RAD54B: variants seen among roughly 807,000 people sequenced by gnomAD.
RAD54B encodes the protein DNA repair and recombination protein RAD54B.
Under a neutral mutation model 95.8 loss-of-function variants are expected in RAD54B, and 78 were observed. The ratio of observed to expected loss-of-function variants is 0.81; its 90% CI spans 0.68 to 0.98. The LOEUF is 0.98. RAD54B is among the 50% of genes least tolerant of loss of function. RAD54B has a pLI of 0.00. For missense variants in RAD54B, 957 were observed against 1,056.6 expected (o/e 0.91, Z 1.31); for synonymous variants, 328 against 354.9 (o/e 0.92, Z 0.85).
At chr8:94,420,124 A>G (rs1454774683) in intron 3 of RAD54B, among the ~76,000 whole-genome samples, 1 of 152,136 alleles carries the variant, frequency 6.6e-6, no homozygotes, top group African/African-American at 2.4e-5. Context: ...ACATTCCACA[A>G]TGTTCACACA....
intron 3 of RAD54B, chr8:94,428,413 A>G: frequency 1.5e-6 from 1 of 665,044 alleles, no homozygotes; most frequent in Middle Eastern, 7.6e-4. Flanking sequence ...CCCCATCAAG[A>G]TCCACAGATA....
intron 3 of RAD54B, among the ~76,000 whole-genome samples, chr8:94,457,945 T>A (rs1414650162): frequency 1.3e-5 from 2 of 152,198 alleles, no homozygotes; most frequent in African/African-American, 4.8e-5. Context: ...CCAATTTTAG[T>A]CCTATTAACA....
intron 3 of RAD54B, among the ~76,000 whole-genome samples, chr8:94,441,114 C>T (rs1812387445): frequency 1.3e-5 from 2 of 152,174 alleles, no homozygotes; most frequent in South Asian, 2.1e-4. Context: ...GCCCCTGTCA[C>T]GTACTCCCTG....
intron 3 of RAD54B, among the ~76,000 whole-genome samples, chr8:94,426,110 G>A (rs984822775): frequency 2.0e-4 from 30 of 151,930 alleles, no homozygotes; most frequent in African/African-American, 4.1e-4. Flanking sequence ...CTGCCACCAC[G>A]CCCAGCTGAT....
intron 11 of RAD54B, among the ~76,000 whole-genome samples, chr8:94,382,843 T>C (rs569476995): frequency 7.9e-5 from 12 of 152,342 alleles, no homozygotes; most frequent in Non-Finnish European, 1.0e-4. Flanking sequence ...AGGTCTTTGC[T>C]TCCCCTTTGC....
intron 3 of RAD54B, among the ~76,000 whole-genome samples, chr8:94,457,323 G>C (rs887575980): frequency 6.6e-6 from 1 of 152,128 alleles, no homozygotes; most frequent in African/African-American, 2.4e-5. Flanking sequence ...TGTTCCTAGG[G>C]ATCTTCCTAT....
At chr8:94,443,930 C>T (rs1304889650) in intron 3 of RAD54B, among the ~76,000 whole-genome samples, 4 of 151,596 alleles carry the variant, frequency 2.6e-5, no homozygotes, top group Non-Finnish European at 5.9e-5. Context: ...ATATGTACAA[C>T]TATTATGTAT....
At chr8:94,390,211 T>C (rs1810983344) in intron 10 of RAD54B, among the ~76,000 whole-genome samples, 4 of 150,942 alleles carry the variant, frequency 2.7e-5, no homozygotes, top group Non-Finnish European at 4.4e-5. Flanking sequence ...AAAAAATAAA[T>C]AAAAAGGGCC....
intron 8 of RAD54B, among the ~76,000 whole-genome samples, 182 bp downstream of exon 8, chr8:94,399,232 G>A (rs1312329997): frequency 6.6e-6 from 1 of 152,052 alleles, no homozygotes; most frequent in Non-Finnish European, 1.5e-5. Flanking sequence ...CAAAGTCTGG[G>A]CTACAGAAAA....
intron 3 of RAD54B, among the ~76,000 whole-genome samples, chr8:94,446,293 G>A (rs1812517599): frequency 6.6e-6 from 1 of 152,160 alleles, no homozygotes; most frequent in Admixed American, 6.5e-5. Flanking sequence ...TAGTCCAAAA[G>A]AGTCAAGATA....
At chr8:94,431,368 A>G in intron 3 of RAD54B, 3 of 984,664 alleles carry the variant, frequency 3.0e-6, no homozygotes, top group Non-Finnish European at 3.6e-6. Flanking sequence ...TAGAGAGAGA[A>G]TGGGGGTAAT....
chr8:94,373,975 G>A (rs1206646288), intron 14 of RAD54B, among the ~76,000 whole-genome samples: 1 of 152,112 alleles, frequency 6.6e-6, no homozygotes, highest in African/African-American at 2.4e-5. Context: ...TAATCATTGA[G>A]GTTTTAAGAA....
At chr8:94,432,585 G>T (rs1473405673) in intron 3 of RAD54B, 36 of 1,550,020 alleles carry the variant, frequency 2.3e-5, no homozygotes, top group Admixed American at 3.9e-5. Flanking sequence ...CACTGTAATA[G>T]CAACAGGATG....
At chr8:94,468,318 C>G (rs1813078998) in intron 1 of RAD54B, among the ~76,000 whole-genome samples, 1 of 152,154 alleles carries the variant, frequency 6.6e-6, no homozygotes, top group South Asian at 2.1e-4. Flanking sequence ...AAACGCCTCA[C>G]TTTCTCTTGC....
intron 4 of RAD54B, among the ~76,000 whole-genome samples, chr8:94,410,802 A>C (rs940932098): frequency 6.6e-6 from 1 of 152,206 alleles, no homozygotes; most frequent in African/African-American, 2.4e-5. Context: ...AAAGAGAGAG[A>C]GAGAAAGTAT....
intron 8 of RAD54B, among the ~76,000 whole-genome samples, chr8:94,395,437 G>A (rs1057499956): frequency 2.0e-5 from 3 of 152,146 alleles, no homozygotes; most frequent in East Asian, 3.8e-4. Flanking sequence ...TCTAAGGCAA[G>A]GGAGCTGCCA....
intron 3 of RAD54B, among the ~76,000 whole-genome samples, chr8:94,452,924 CAT>C (rs1403358258): frequency 6.6e-6 from 1 of 152,120 alleles, no homozygotes; most frequent in African/African-American, 2.4e-5. Context: ...TATATACTTA[CAT>C]ATAGATTGAG....
At chr8:94,378,032 T>C in intron 14 of RAD54B, 148 bp downstream of exon 14, 2 of 434,784 alleles carry the variant, frequency 4.6e-6, no homozygotes, top group Admixed American at 4.1e-5. Flanking sequence ...AATATCTCTA[T>C]CTGGCAGCTG....
chr8:94,463,974 G>A (rs533030374), intron 2 of RAD54B, among the ~76,000 whole-genome samples: 21 of 151,054 alleles, frequency 1.4e-4, no homozygotes, highest in South Asian at 4.2e-4. Flanking sequence ...GTACACAAAC[G>A]TTCATGAGTA....
Sources: gnomAD v4.1 joint callset for allele counts (sites outside exome capture counted in the v4.1 genomes callset) on GRCh38, gnomAD v4.1.1 for gene constraint, MANE v1.5 for transcripts, NCBI Gene and HGNC (gene_info 2026-07-23, HGNC 2026-07-21) for gene names.